PCDHA7: variants seen among roughly 807,000 people sequenced by gnomAD.
PCDHA7 encodes protocadherin alpha 7.
Under a neutral mutation model 57.2 loss-of-function variants are expected in PCDHA7, and 37 were observed. The observed-to-expected ratio is 0.65, with a 90% CI of 0.50 to 0.85. The LOEUF is 0.85. PCDHA7 is among the 40% of genes least tolerant of loss of function. The pLI is 0.00. For synonymous variants in PCDHA7, 553 were observed against 558.8 expected (o/e 0.99, Z 0.15); for missense variants, 1,188 against 1,241.8 (o/e 0.96, Z 0.65).
chr5:140,997,834 C>T (rs1385482729), intron 3 of PCDHA7, among the ~76,000 whole-genome samples: 2 of 152,106 alleles, frequency 1.3e-5, no homozygotes, highest in Non-Finnish European at 2.9e-5. Context: ...CTAAACAATA[C>T]AATATACATT....
intron 1 of PCDHA7, chr5:140,870,490 G>A (rs372818492): frequency 7.8e-5 from 126 of 1,614,116 alleles, no homozygotes; most frequent in Non-Finnish European, 1.1e-4. Context: ...CACCGTGTTC[G>A]TGAAGGAGAA....
At chr5:140,936,449 C>A (rs1245206418) in intron 1 of PCDHA7, among the ~76,000 whole-genome samples, 1 of 152,174 alleles carries the variant, frequency 6.6e-6, no homozygotes, top group African/African-American at 2.4e-5. Context: ...ATAACCACAT[C>A]TGTTTAGTGG....
At chr5:140,968,519 A>C (rs1030847582) in intron 1 of PCDHA7, 1 of 1,614,008 alleles carries the variant, frequency 6.2e-7, no homozygotes, top group African/African-American at 1.3e-5. Flanking sequence ...CCCTACCTCA[A>C]CCAACTCGTC....
Position 140,843,574 on chromosome 5 carries a change from G to T in PCDHA7, c.2355+6836G>T, listed in dbSNP as rs2150362915. On this transcript the variant is annotated intron_variant, in intron 1 of 3. Transcript: ENST00000525929. ...GTGCGGTGGGGAGCTGGTCATACTC[G>T]CAACAACAGCCGCAGAGGGTGTGCT... 67 of 1,595,908 alleles carry T rather than the reference G, an allele frequency of 4.2e-5. 3 individuals are homozygous for T. The East Asian group carries it at 1.4e-3, about 34-fold the overall frequency.
chr5:140,979,306 C>T (rs1554240481), intron 2 of PCDHA7, among the ~76,000 whole-genome samples: 1 of 152,206 alleles, frequency 6.6e-6, no homozygotes, highest in African/African-American at 2.4e-5. Context: ...CTTCATCCCT[C>T]TCTACCTATG....
In PCDHA7 at chr5:141,010,896, A is replaced by G. The variant is rs1433932699; in HGVS notation, c.*959A>G. 6.5e-6 allele frequency: 1 copy of G among 153,790 alleles called. No individual in the cohort carries two copies. The highest frequency in any genetic ancestry group is 1.5e-5 in the Non-Finnish European group (1 of 68,052). The allele number at this position is 153,790 out of a possible 1,614,324, so 9.5% of individuals were successfully genotyped here. A position where few individuals can be genotyped will look rare whatever the true frequency, so the allele number is the denominator to read the frequency against. Reference sequence around the variant, plus strand: ...ATCTTTAAAGAGAAATATGAATACAATTCCCCTAAACTCTCCTCAAAAGAG... The same window carrying G: ...ATCTTTAAAGAGAAATATGAATACAGTTCCCCTAAACTCTCCTCAAAAGAG... On this transcript the variant is annotated 3_prime_UTR_variant, in exon 4 of 4. Coordinates refer to ENST00000525929, the MANE Select transcript of PCDHA7 (RefSeq NM_018910.3).
chr5:140,869,332 G>A, intron 1 of PCDHA7: 3 of 1,613,960 alleles, frequency 1.9e-6, no homozygotes, highest in Middle Eastern at 1.7e-4. Flanking sequence ...CCTTCTGGAG[G>A]TAAATCTGCA....
At chr5:140,883,897 G>A in intron 1 of PCDHA7, 1 of 1,613,332 alleles carries the variant, frequency 6.2e-7, no homozygotes, top group Non-Finnish European at 8.5e-7. Flanking sequence ...CTGGCGTGCC[G>A]CCTCTGGGCA....
intron 1 of PCDHA7, among the ~76,000 whole-genome samples, chr5:140,955,262 C>CT (rs1165777806): frequency 1.3e-5 from 2 of 152,044 alleles, no homozygotes; most frequent in African/African-American, 2.4e-5. Flanking sequence ...TATAAAGGCT[C>CT]TTTTTTGGTT....
In PCDHA7 at chr5:140,903,563, T is replaced by C. The variant is rs1459855021; in HGVS notation, c.2355+66825T>C. ...CAAGAAACTTTTCTAATAAGTGGAA[T>C]TGGGAGCTGTCTAGCTGGTGTTGGC... On this transcript the variant is annotated intron_variant, in intron 1 of 3. Transcript: ENST00000525929. Among the ~76,000 whole-genome samples the C allele has an allele frequency of 2.6e-5, 4 of 152,208 alleles. No individual in the cohort carries two copies. In the East Asian group the frequency reaches 5.8e-4, roughly 22 times the overall value.
intron 3 of PCDHA7, among the ~76,000 whole-genome samples, chr5:141,002,590 C>T (rs183905414): frequency 6.6e-6 from 1 of 152,294 alleles, no homozygotes; most frequent in East Asian, 1.9e-4. Flanking sequence ...AGTCCTTAGT[C>T]CCCTCATCTA....
chr5:140,873,086 C>T (rs984385666), intron 1 of PCDHA7, among the ~76,000 whole-genome samples: 6 of 152,122 alleles, frequency 3.9e-5, no homozygotes, highest in African/African-American at 9.7e-5. Context: ...ATTTCCCCCC[C>T]GTATAGAGGC....
chr5:140,976,449 G>T (rs1554237649), intron 1 of PCDHA7, among the ~76,000 whole-genome samples: 1 of 152,136 alleles, frequency 6.6e-6, no homozygotes, highest in Non-Finnish European at 1.5e-5. Flanking sequence ...TACTAGGGAG[G>T]CTGGGGAAGA....
rs143363926 is a variant in PCDHA7 at position 140,919,499 on chromosome 5, C to T, written c.2356-59450C>T. Among the ~76,000 whole-genome samples the T allele has an allele frequency of 1.8e-4, 27 of 152,124 alleles. No homozygotes were observed. In the East Asian group the frequency reaches 5.2e-3, roughly 29 times the overall value. ...TGGATTTATGTTTGTTATTTTACTCCTTTTTCTATATGTTTTAATTCTCTT... is the reference window on the plus strand; with the variant it reads ...TGGATTTATGTTTGTTATTTTACTCTTTTTTCTATATGTTTTAATTCTCTT... On this transcript the variant is annotated intron_variant, in intron 1 of 3. Coordinates refer to ENST00000525929, the MANE Select transcript of PCDHA7 (RefSeq NM_018910.3).
At chr5:140,927,183 C>G (rs1554204140) in intron 1 of PCDHA7, 2 of 1,614,042 alleles carry the variant, frequency 1.2e-6, no homozygotes, top group African/African-American at 2.7e-5. Flanking sequence ...TCTTGACCTA[C>G]GACCTGGTGC....
chr5:140,856,036 A>T (rs1554148102), intron 1 of PCDHA7: 1 of 1,567,408 alleles, frequency 6.4e-7, no homozygotes, highest in African/African-American at 1.4e-5. Context: ...TTGTAAAACA[A>T]GAGAAGGATA....
rs570631397 is a variant in PCDHA7, at chr5:140,879,658, A to G, written c.2355+42920A>G. Among the ~76,000 whole-genome samples the G allele has an allele frequency of 1.1e-4, 16 of 152,350 alleles. No homozygotes were observed. The South Asian group carries it at 3.1e-3, about 30-fold the overall frequency. ...TCGCTTCCTGTGGCTGCTATAACAA[A>G]CGAACACAAACTGGGTGCTGTAAAA... On this transcript the variant is annotated intron_variant, in intron 1 of 3. Transcript: ENST00000525929.
intron 1 of PCDHA7, chr5:140,882,754 T>C: frequency 1.2e-6 from 2 of 1,614,228 alleles, no homozygotes; most frequent in South Asian, 1.1e-5. Flanking sequence ...ATGCAGATAT[T>C]GGAGTAAACT....
chr5:140,847,411 A>G (rs1333406263), intron 1 of PCDHA7: 4 of 149,582 alleles, frequency 2.7e-5, no homozygotes, highest in African/African-American at 9.8e-5. Context: ...ATAAACACTC[A>G]CGGTTTTGCC....
Sources: gnomAD v4.1 joint callset for allele counts (sites outside exome capture counted in the v4.1 genomes callset) on GRCh38, gnomAD v4.1.1 for gene constraint, MANE v1.5 for transcripts, NCBI Gene and HGNC (gene_info 2026-07-23, HGNC 2026-07-21) for gene names.